CLIP2: variants seen among roughly 807,000 people sequenced by gnomAD.
CLIP2 encodes CAP-Gly domain-containing linker protein 2.
CLIP2 carries 41 observed loss-of-function variants against 111.7 expected under a neutral mutation model. The observed-to-expected ratio is 0.37, with a 90% CI of 0.29 to 0.48. The LOEUF is 0.48. Among genes scored for constraint, CLIP2 ranks in the 20% least tolerant of loss-of-function variants. CLIP2 has a pLI of 0.99. For missense variants in CLIP2, 1,160 were observed against 1,422.1 expected, an observed-to-expected ratio of 0.82 and a Z score of 2.96; for synonymous variants, 660 against 644.2, an observed-to-expected ratio of 1.02 and a Z score of -0.37.
chr7:74,304,668 C>T (rs1189736709), intron 1 of CLIP2, among the ~76,000 whole-genome samples: 1 of 147,384 alleles, frequency 6.8e-6, no homozygotes, highest in African/African-American at 2.5e-5. Flanking sequence ...AGAAATATAA[C>T]AAAGGCTGGG....
intron 11 of CLIP2, among the ~76,000 whole-genome samples, chr7:74,385,251 C>T (rs566911516): frequency 3.9e-4 from 59 of 150,866 alleles, no homozygotes; most frequent in Non-Finnish European, 6.5e-4. Flanking sequence ...GCTGAGATGG[C>T]GCCACTGCAC....
At chr7:74,348,352 T>G (rs1400641640) in intron 3 of CLIP2, among the ~76,000 whole-genome samples, 1 of 151,984 alleles carries the variant, frequency 6.6e-6, no homozygotes, top group Non-Finnish European at 1.5e-5. Context: ...GGAAAAAGGC[T>G]CACATCAAAG....
rs540082073 is a variant in CLIP2, at chr7:74,376,585, C to T, written c.2184C>T (p.Ala728=). The change falls in exon 10 of 17, where the codon GCC becomes GCT. Residue 728 remains alanine, a synonymous_variant. Coordinates refer to ENST00000223398, the MANE Select transcript of CLIP2 (RefSeq NM_003388.5). This position sits in a 1 kb window ranked among gnomAD's most constrained non-coding sequence, Gnocchi z 7.1. ...LQEAQDQRRD[A]ELRVHELEKL... ...AGGCCCAGGACCAGCGCCGGGATGC[C>T]GAGCTGCGTGTGCACGAGCTGGAAA... is the stretch of plus-strand genomic sequence containing the variant. The T allele has an allele frequency of 1.6e-5, 26 of 1,611,438 alleles. No individual in the cohort carries two copies. The highest frequency in any genetic ancestry group is 9.9e-5 in the South Asian group (9 of 90,696).
At chr7:74,321,646 T>C (rs1315223041) in intron 2 of CLIP2, among the ~76,000 whole-genome samples, 7 of 151,972 alleles carry the variant, frequency 4.6e-5, no homozygotes, top group Admixed American at 4.6e-4. Flanking sequence ...TTTTTTGTAT[T>C]TTTAGTAGAG....
intron 3 of CLIP2, among the ~76,000 whole-genome samples, chr7:74,347,704 G>C (rs1307794633): frequency 6.6e-6 from 1 of 152,166 alleles, no homozygotes; most frequent in African/African-American, 2.4e-5. Flanking sequence ...AATAAGAGAA[G>C]GTGATACAGG....
chr7:74,401,687 G>T, intron 16 of CLIP2, 120 bp downstream of exon 16: 1 of 999,950 alleles, frequency 1.0e-6, no homozygotes, highest in Non-Finnish European at 1.5e-6. Context: ...CTTTACAGTA[G>T]GGTCCCTCAG....
chr7:74,394,167 G>C lies in CLIP2; in HGVS notation c.2721-2907G>C, dbSNP rs143177673. ...CCCCGTCTCCCTGCTGTCAACAGCT[G>C]TCAACAGCCTCCTTCCATCCTTCAG... is the stretch of plus-strand genomic sequence containing the variant. On this transcript the variant is annotated intron_variant, in intron 13 of 16. Coordinates refer to ENST00000223398, the MANE Select transcript of CLIP2 (RefSeq NM_003388.5). Among the ~76,000 whole-genome samples, 830 of 151,676 alleles carry C rather than the reference G, an allele frequency of 5.5e-3. 1 individual carries two copies. Among genetic ancestry groups the C allele is most frequent in the Non-Finnish European group, 9.7e-3 (658 of 67,974 alleles).
chr7:74,300,457 CTT>C (rs34522776), intron 1 of CLIP2, among the ~76,000 whole-genome samples: 195 of 130,362 alleles, frequency 1.5e-3, no homozygotes, highest in Admixed American at 4.5e-3. Context: ...TGATTTCATT[CTT>C]TTTTTTTTTT....
At chr7:74,371,266 A>AAG in intron 8 of CLIP2, among the ~76,000 whole-genome samples, 1 of 147,784 alleles carries the variant, frequency 6.8e-6, no homozygotes, top group East Asian at 2.0e-4. Context: ...AAAAAAAAAA[A>AAG]GGTTGAGGGG....
chr7:74,389,091 G>A lies in CLIP2; in HGVS notation c.2564-12G>A. On this transcript the variant is annotated splice_polypyrimidine_tract_variant and intron_variant, in intron 12 of 16. Coordinates refer to ENST00000223398, the MANE Select transcript of CLIP2 (RefSeq NM_003388.5). ...CAATCCTCTTCCTCCCTTCCCTGCC[G>A]GCTGACCCCAGCGCTGGAGAGCAAG... 1.3e-6 allele frequency: 2 copies of A among 1,598,586 alleles called. No homozygotes were observed. The highest frequency in any genetic ancestry group is 2.2e-5 in the East Asian group (1 of 44,580).
At chr7:74,293,704 C>T (rs1554725679) in intron 1 of CLIP2, among the ~76,000 whole-genome samples, 1 of 152,162 alleles carries the variant, frequency 6.6e-6, no homozygotes, top group East Asian at 1.9e-4. Context: ...GGTCAATTAG[C>T]CATTGTGCCA....
intron 13 of CLIP2, among the ~76,000 whole-genome samples, chr7:74,392,609 C>T (rs1368183495): frequency 6.6e-6 from 1 of 151,576 alleles, no homozygotes; most frequent in African/African-American, 2.4e-5. Flanking sequence ...GGTAGATCAC[C>T]TGAGGTCAGG....
rs572025564 is a variant in CLIP2, at chr7:74,372,280, G to A, written c.1381-652G>A. Among the ~76,000 whole-genome samples the A allele has an allele frequency of 5.9e-5, 9 of 152,068 alleles. No individual in the cohort carries two copies. The South Asian group carries it at 1.9e-3, about 32-fold the overall frequency. On this transcript the variant is annotated intron_variant, in intron 8 of 16. Transcript: ENST00000223398. ...GGTGGGGTGGGCAGCAATGGGGCCC[G>A]GGAGTGGGAGGCACAGCCCGGCCTC...
At chr7:74,313,326 G>T (rs146581126) in intron 1 of CLIP2, among the ~76,000 whole-genome samples, 3 of 151,924 alleles carry the variant, frequency 2.0e-5, no homozygotes, top group African/African-American at 7.3e-5. Flanking sequence ...TTGGGAGGCC[G>T]AGGGGGGCAG....
intron 14 of CLIP2, among the ~76,000 whole-genome samples, chr7:74,399,005 C>T (rs1386411857): frequency 6.6e-6 from 1 of 151,230 alleles, no homozygotes; most frequent in East Asian, 1.9e-4. Flanking sequence ...TGCACTGTGT[C>T]CACGGGAGAA....
intron 1 of CLIP2, among the ~76,000 whole-genome samples, chr7:74,300,429 A>C (rs545672437): frequency 6.7e-6 from 1 of 150,208 alleles, no homozygotes; most frequent in Admixed American, 6.7e-5. Context: ...GCTCCCATCC[A>C]TGTTGCTGAA....
At position 74,341,970 on chromosome 7, in the gene CLIP2, G is replaced by A. The variant is rs187071436; in HGVS notation, c.678+2966G>A. Among the ~76,000 whole-genome samples, 315 of 152,276 alleles carry A rather than the reference G, an allele frequency of 2.1e-3. 1 individual carries two copies. Among genetic ancestry groups the A allele is most frequent in the Non-Finnish European group, 3.4e-3 (234 of 68,028 alleles). Reference sequence around the variant, plus strand: ...CCTGGCCTGGTGGGGAGGCTGCCCCGAGGAATGGTTCCCCCGAGGGCAGAA... The same window carrying A: ...CCTGGCCTGGTGGGGAGGCTGCCCCAAGGAATGGTTCCCCCGAGGGCAGAA... On this transcript the variant is annotated intron_variant, in intron 3 of 16. Transcript: ENST00000223398.
At chr7:74,394,253 T>A (rs1395770366) in intron 13 of CLIP2, among the ~76,000 whole-genome samples, 12 of 145,966 alleles carry the variant, frequency 8.2e-5, no homozygotes, top group South Asian at 2.2e-4. Context: ...TTATTTTTTT[T>A]TTTTTTTTTT....
chr7:74,338,951 A>G lies in CLIP2; in HGVS notation c.625A>G (p.Ser209Gly). 1.9e-6 allele frequency: 3 copies of G among 1,599,792 alleles called. No individual in the cohort carries two copies. The South Asian group carries it at 3.3e-5, about 18-fold the overall frequency. The change falls in exon 3 of 17, where the codon AGC (serine) becomes GGC (glycine). Residue 209 changes from serine (S) to glycine (G), a missense_variant. Coordinates refer to ENST00000223398, the MANE Select transcript of CLIP2 (RefSeq NM_003388.5). The surrounding 1 kb of genome is among the most constrained non-coding windows in gnomAD (Gnocchi z 4.3). ...CGAGTCGGGATCCAACCTCTCAGACAGCGGCTCTGTGAAGCGGGGCGAAAA... is the reference window on the plus strand; with the variant it reads ...CGAGTCGGGATCCAACCTCTCAGACGGCGGCTCTGTGAAGCGGGGCGAAAA... ...GNESGSNLSDSGSVKRGEKDL... is the reference protein window; with the variant it reads ...GNESGSNLSDGGSVKRGEKDL...
Sources: gnomAD v4.1 joint callset for allele counts (sites outside exome capture counted in the v4.1 genomes callset) on GRCh38, gnomAD v4.1.1 for gene constraint, Gnocchi (gnomAD v3.1) non-coding constraint, MANE v1.5 for transcripts, NCBI Gene and HGNC (gene_info 2026-07-23, HGNC 2026-07-21) for gene names.